The following FMNL2 variants were observed in gnomAD, a reference collection of about 807,000 sequenced individuals.
The protein encoded by FMNL2 is formin like 2, also known as formin-like protein 2.
A neutral mutation model predicts 130.2 loss-of-function variants in FMNL2; 51 were observed. The observed-to-expected ratio is 0.39, with a 90% CI of 0.31 to 0.49. FMNL2 has a LOEUF of 0.49. Among genes scored for constraint, FMNL2 ranks in the 20% least tolerant of loss-of-function variants. The pLI is 0.85. For missense variants in FMNL2, 977 were observed against 1,316.2 expected, an observed-to-expected ratio of 0.74 and a Z score of 3.99; for synonymous variants, 465 against 467.1, an observed-to-expected ratio of 1.00 and a Z score of 0.06.
intron 1 of FMNL2, among the ~76,000 whole-genome samples, chr2:152,415,810 T>C (rs1207174497): frequency 1.3e-5 from 2 of 152,202 alleles, no homozygotes; most frequent in Admixed American, 6.5e-5. Context: ...AATTAGCAAG[T>C]AGTTTCTTCA....
chr2:152,460,213 T>C (rs1437967572), intron 1 of FMNL2, among the ~76,000 whole-genome samples: 3 of 152,144 alleles, frequency 2.0e-5, no homozygotes, highest in African/African-American at 7.2e-5. Flanking sequence ...ATAACCCAAA[T>C]GGGACCAATA....
At chr2:152,510,051 T>C (rs1042438774) in intron 1 of FMNL2, among the ~76,000 whole-genome samples, 2 of 152,166 alleles carry the variant, frequency 1.3e-5, no homozygotes, top group African/African-American at 4.8e-5. Flanking sequence ...GCTCGGCCTA[T>C]CTGGAGCTTT....
At chr2:152,549,523 G>A (rs1033584391) in intron 4 of FMNL2, among the ~76,000 whole-genome samples, 8 of 152,138 alleles carry the variant, frequency 5.3e-5, no homozygotes, top group South Asian at 2.1e-4. Context: ...AGAAGGGGAC[G>A]GAAGCTGGAA....
chr2:152,432,831 A>G (rs912875250), intron 1 of FMNL2, among the ~76,000 whole-genome samples: 17 of 152,348 alleles, frequency 1.1e-4, no homozygotes, highest in African/African-American at 4.1e-4. Context: ...ATACAGGAGA[A>G]GCTCCAGGAT....
chr2:152,563,567 C>G (rs981322379), intron 6 of FMNL2, among the ~76,000 whole-genome samples: 5 of 152,138 alleles, frequency 3.3e-5, no homozygotes, highest in African/African-American at 1.2e-4. Flanking sequence ...ATCAGAAGTA[C>G]AGGCATATGG....
chr2:152,444,231 G>A (rs1018522583), intron 1 of FMNL2, among the ~76,000 whole-genome samples: 1 of 152,156 alleles, frequency 6.6e-6, no homozygotes, highest in African/African-American at 2.4e-5. Flanking sequence ...GTGTTTAAAT[G>A]TAATAGGAAG....
At chr2:152,608,584 T>C (rs1400573498) in intron 10 of FMNL2, among the ~76,000 whole-genome samples, 1 of 150,122 alleles carries the variant, frequency 6.7e-6, no homozygotes, top group Admixed American at 6.7e-5. Context: ...ATATACTTTA[T>C]ATATATACAC....
intron 9 of FMNL2, among the ~76,000 whole-genome samples, chr2:152,597,882 G>C (rs1697850481): frequency 6.6e-6 from 1 of 152,244 alleles, no homozygotes; most frequent in Non-Finnish European, 1.5e-5. Flanking sequence ...AGAGGTGACT[G>C]TGGGTGTTAG....
intron 1 of FMNL2, among the ~76,000 whole-genome samples, chr2:152,439,728 A>G (rs1687958012): frequency 6.6e-6 from 1 of 150,602 alleles, no homozygotes; most frequent in Non-Finnish European, 1.5e-5. Context: ...GACTCCCCAT[A>G]CTGATCCTAG....
At chr2:152,536,305 C>T (rs961366737) in intron 2 of FMNL2, among the ~76,000 whole-genome samples, 1 of 152,184 alleles carries the variant, frequency 6.6e-6, no homozygotes, top group Admixed American at 6.5e-5. Flanking sequence ...GGGTAAAACC[C>T]TTGAGGATAT....
intron 1 of FMNL2, among the ~76,000 whole-genome samples, chr2:152,433,002 C>G (rs1047779444): frequency 6.6e-6 from 1 of 152,230 alleles, no homozygotes; most frequent in African/African-American, 2.4e-5. Flanking sequence ...TGCCTCTGCT[C>G]TATACTAGCA....
At chr2:152,616,191 C>T (rs1487423844) in intron 12 of FMNL2, among the ~76,000 whole-genome samples, 1 of 152,152 alleles carries the variant, frequency 6.6e-6, no homozygotes, top group African/African-American at 2.4e-5. Flanking sequence ...AGCTGTTTAA[C>T]ACATGGCTCA....
intron 4 of FMNL2, among the ~76,000 whole-genome samples, chr2:152,554,252 C>G (rs1309602586): frequency 1.3e-5 from 2 of 152,060 alleles, no homozygotes; most frequent in Non-Finnish European, 2.9e-5. Flanking sequence ...ATAAAAAATA[C>G]AAAAATTAAC....
At chr2:152,404,028 A>C (rs1478411756) in intron 1 of FMNL2, among the ~76,000 whole-genome samples, 1 of 152,218 alleles carries the variant, frequency 6.6e-6, no homozygotes, top group Non-Finnish European at 1.5e-5. Context: ...AGATCACGCC[A>C]CTGCACTGCA....
chr2:152,468,969 C>T (rs1424641910), intron 1 of FMNL2, among the ~76,000 whole-genome samples: 1 of 152,222 alleles, frequency 6.6e-6, no homozygotes, highest in Non-Finnish European at 1.5e-5. Flanking sequence ...CTCCACATAA[C>T]ATACACAATG....
chr2:152,426,647 C>T (rs1041735182), intron 1 of FMNL2, among the ~76,000 whole-genome samples: 1 of 152,032 alleles, frequency 6.6e-6, no homozygotes, highest in African/African-American at 2.4e-5. Context: ...TTTCAAAGCT[C>T]CCCAGATGAT....
chr2:152,536,904 A>C (rs1160735669), intron 2 of FMNL2, among the ~76,000 whole-genome samples: 2 of 152,240 alleles, frequency 1.3e-5, no homozygotes, highest in Admixed American at 1.3e-4. Context: ...TTCTGAGTCT[A>C]GCTCACACCA....
chr2:152,431,344 A>G (rs1201275239), intron 1 of FMNL2, among the ~76,000 whole-genome samples: 2 of 152,208 alleles, frequency 1.3e-5, no homozygotes, highest in Non-Finnish European at 2.9e-5. Flanking sequence ...ATCTGGGATT[A>G]TTTATCAATG....
rs36031692 is a variant in FMNL2 at position 152,601,667 on chromosome 2, C to CTTTTTT, written c.877-5669_877-5668insTTTTTT. ...CTAAGGCTCTCTTTTCTTTTCTTTT[C>CTTTTTT]TTTCTTTTTTTTTTTTTTTTGAGAC... On this transcript the variant is annotated intron_variant, in intron 9 of 25. Coordinates refer to ENST00000288670, the MANE Select transcript of FMNL2 (RefSeq NM_052905.4). Among the ~76,000 whole-genome samples, 191 of 132,204 alleles carry CTTTTTT rather than the reference C, an allele frequency of 1.4e-3. 2 individuals are homozygous for CTTTTTT. Among genetic ancestry groups the CTTTTTT allele is most frequent in the African/African-American group, 4.3e-3 (138 of 32,222 alleles). The allele number at this position is 132,204 out of a possible 152,430, so 86.7% of individuals were successfully genotyped here.
Sources: allele counts gnomAD v4.1 joint callset (sites outside exome capture counted in the v4.1 genomes callset), GRCh38; gene constraint gnomAD v4.1.1; transcripts MANE v1.5; gene names NCBI Gene and HGNC (gene_info 2026-07-23, HGNC 2026-07-21).